The following PIK3R1 variants were observed in gnomAD, a reference collection of about 807,000 sequenced individuals.
PIK3R1 encodes phosphoinositide-3-kinase regulatory subunit 1.
PIK3R1 carries 29 observed loss-of-function variants against 98.0 expected under a neutral mutation model. The observed-to-expected ratio is 0.30, with a 90% confidence interval of 0.22 to 0.40. The LOEUF is 0.40. PIK3R1 is among the 10% of genes least tolerant of loss of function. PIK3R1 has a pLI of 1.00. For missense variants in PIK3R1, 596 were observed against 872.7 expected, an observed-to-expected ratio of 0.68 and a Z score of 3.99; for synonymous variants, 282 against 311.8, an observed-to-expected ratio of 0.90 and a Z score of 1.01.
chr5:68,256,716 T>G (rs765044381), intron 2 of PIK3R1, among the ~76,000 whole-genome samples: 1 of 151,856 alleles, frequency 6.6e-6, no homozygotes, highest in Non-Finnish European at 1.5e-5. Flanking sequence ...GAGGGGCAAT[T>G]AGCAAGAGTG....
intron 2 of PIK3R1, among the ~76,000 whole-genome samples, chr5:68,265,866 A>G (rs1746102025): frequency 6.6e-6 from 1 of 152,236 alleles, no homozygotes; most frequent in African/African-American, 2.4e-5. Flanking sequence ...TCAACTTTTC[A>G]GGATATTTAA....
chr5:68,262,633 A>C lies in PIK3R1; in HGVS notation c.335-10757A>C, dbSNP rs1295135581. ...TGTATACACATGTAGATGCATGTAT[A>C]CACATGTATACACATGTATCTGCAT... On this transcript the variant is annotated intron_variant, in intron 2 of 15. Transcript: ENST00000521381. Among the ~76,000 whole-genome samples the C allele has an allele frequency of 7.8e-4, 109 of 139,228 alleles. 1 individual carries two copies. Among genetic ancestry groups the C allele is most frequent in the Non-Finnish European group, 1.3e-3 (82 of 64,900 alleles). The allele number at this position is 139,228 out of a possible 152,430, so 91.3% of individuals were successfully genotyped here.
chr5:68,224,472 A>G lies in PIK3R1; in HGVS notation c.-386-1818A>G, dbSNP rs570292357. ...AGTGTTTGTTTTTGCTTCTTTTAAT[A>G]TGTAACTCTCCTAAGTGTGTTATTG... On this transcript the variant is annotated intron_variant, in intron 1 of 15. Transcript: ENST00000521381. Among the ~76,000 whole-genome samples, 11 of 152,312 alleles carry G rather than the reference A, an allele frequency of 7.2e-5. 1 individual carries two copies. The South Asian group carries it at 2.1e-3, about 29-fold the overall frequency.
At chr5:68,250,975 C>A (rs1175762152) in intron 2 of PIK3R1, among the ~76,000 whole-genome samples, 1 of 152,124 alleles carries the variant, frequency 6.6e-6, no homozygotes, top group African/African-American at 2.4e-5. Context: ...TGTATGTTTT[C>A]GTTTTGTGAA....
At chr5:68,261,931 G>C (rs920511983) in intron 2 of PIK3R1, among the ~76,000 whole-genome samples, 3 of 152,154 alleles carry the variant, frequency 2.0e-5, no homozygotes, top group Non-Finnish European at 4.4e-5. Context: ...CAACAGAGGA[G>C]TGGAGCATAG....
chr5:68,290,638 A>G, intron 7 of PIK3R1: 4 of 1,482,144 alleles, frequency 2.7e-6, no homozygotes, highest in Non-Finnish European at 3.6e-6. Flanking sequence ...GCAGCCCCTT[A>G]TAGGTTTTAA....
At chr5:68,252,066 C>G (rs1385009484) in intron 2 of PIK3R1, among the ~76,000 whole-genome samples, 1 of 152,148 alleles carries the variant, frequency 6.6e-6, no homozygotes, top group Non-Finnish European at 1.5e-5. Flanking sequence ...TCACATCTCC[C>G]CCTTGAACTA....
intron 2 of PIK3R1, among the ~76,000 whole-genome samples, chr5:68,247,423 T>C (rs777830916): frequency 2.6e-5 from 4 of 152,102 alleles, no homozygotes; most frequent in Non-Finnish European, 5.9e-5. Flanking sequence ...CTCAGCCTCC[T>C]GAGTAGCTGG....
At chr5:68,236,939 A>G (rs1744690236) in intron 2 of PIK3R1, among the ~76,000 whole-genome samples, 1 of 152,252 alleles carries the variant, frequency 6.6e-6, no homozygotes, top group Non-Finnish European at 1.5e-5. Context: ...GTGCATGTAA[A>G]TGCAATTTTT....
rs1477855249 is a variant in PIK3R1, at chr5:68,290,320, G to A, written c.917-1939G>A. On this transcript the variant is annotated intron_variant, in intron 7 of 15. Coordinates refer to ENST00000521381, the MANE Select transcript of PIK3R1 (RefSeq NM_181523.3). ...GACTGGGCTATCTATAAACCCAGAT[G>A]CACTAAGTGGGGAGAAAAGCTCGGA... Among the ~76,000 whole-genome samples, 3 of 152,206 alleles carry A rather than the reference G, an allele frequency of 2.0e-5. No homozygotes were observed. The East Asian group carries it at 5.8e-4, about 29-fold the overall frequency.
intron 2 of PIK3R1, chr5:68,240,040 G>A (rs926211203): frequency 2.0e-5 from 8 of 406,362 alleles, no homozygotes; most frequent in African/African-American, 4.1e-5. Flanking sequence ...CTTGGCTTGT[G>A]CTTCTTAATG....
rs1392218886 is a variant in PIK3R1 at position 68,279,706 on chromosome 5, T to C, written c.607T>C (p.Tyr203His). 4 of 1,614,072 alleles carry C rather than the reference T, an allele frequency of 2.5e-6. No individual in the cohort carries two copies. Among genetic ancestry groups the C allele is most frequent in the Admixed American group, 3.3e-5 (2 of 60,006 alleles). Residue 203 changes from tyrosine (Y) to histidine (H), a missense_variant, in exon 5 of 16, where the codon TAC becomes CAC. Coordinates refer to ENST00000521381, the MANE Select transcript of PIK3R1 (RefSeq NM_181523.3). ...AAATCCTGTCATTCCAGCAGCCGTT[T>C]ACAGTGAAATGATTTCTTTAGCTCC... ...LPNPVIPAAV[Y>H]SEMISLAPEV...
chr5:68,229,437 T>C (rs886934401), intron 2 of PIK3R1, among the ~76,000 whole-genome samples: 1 of 152,198 alleles, frequency 6.6e-6, no homozygotes, highest in African/African-American at 2.4e-5. Context: ...TCTTTTTTTT[T>C]CCTTTTAACA....
chr5:68,297,579 T>C lies in PIK3R1; in HGVS notation c.2153T>C (p.Val718Ala), dbSNP rs2112294023. The C allele has an allele frequency of 6.2e-7, 1 of 1,614,056 alleles. No individual in the cohort carries two copies. Among genetic ancestry groups the C allele is most frequent in the Non-Finnish European group, 8.5e-7 (1 of 1,179,950 alleles). The change falls in exon 16 of 16, where the codon GTA becomes GCA. Residue 718 changes from valine (V) to alanine (A), a missense_variant. This residue lies in a region of PIK3R1 where 207 missense variants were observed against 361.4 expected (regional missense o/e 0.57). Coordinates refer to ENST00000521381, the MANE Select transcript of PIK3R1 (RefSeq NM_181523.3). ...CTCAATGTCACACTAGCCTACCCAG[T>C]ATATGCACAGCAGAGGCGATGAAGC... ...DSLNVTLAYPVYAQQRR is the reference protein window; with the variant it reads ...DSLNVTLAYPAYAQQRR
In PIK3R1 at chr5:68,295,473, A is replaced by G. The variant is rs1747662154; in HGVS notation, c.1799A>G (p.Asn600Ser). 4 of 1,614,074 alleles carry G rather than the reference A, an allele frequency of 2.5e-6. No individual in the cohort carries two copies. The highest frequency in any genetic ancestry group is 3.4e-6 in the Non-Finnish European group (4 of 1,179,904). The change falls in exon 14 of 16, where the codon AAT (asparagine) becomes AGT (serine). Residue 600 changes from asparagine (N) to serine (S), a missense_variant. Around this residue, in one of 3 missense-constraint regions of PIK3R1, gnomAD observed 207 missense variants for 361.4 expected, o/e 0.57. Transcript: ENST00000521381. Reference protein sequence around the residue: ...RQKKLNEWLGNENTEDQYSLV... With the variant: ...RQKKLNEWLGSENTEDQYSLV... ...AAGAAGTTGAACGAGTGGTTGGGCA[A>G]TGAAAACACTGAAGAGTAAGTAGTT...
At chr5:68,286,550 C>G (rs1164221675) in intron 7 of PIK3R1, among the ~76,000 whole-genome samples, 1 of 152,172 alleles carries the variant, frequency 6.6e-6, no homozygotes, top group African/African-American at 2.4e-5. Flanking sequence ...TCTTGCAGAT[C>G]ACTTTTTAAA....
At chr5:68,282,984 G>C (rs573150795) in intron 7 of PIK3R1, among the ~76,000 whole-genome samples, 1 of 152,194 alleles carries the variant, frequency 6.6e-6, no homozygotes, top group Non-Finnish European at 1.5e-5. Flanking sequence ...GGAACAAAAC[G>C]TCCCCATCCA....
At chr5:68,296,965 GGA>G (rs563903142) in intron 15 of PIK3R1, among the ~76,000 whole-genome samples, 70 of 152,312 alleles carry the variant, frequency 4.6e-4, no homozygotes, top group African/African-American at 1.6e-3. Context: ...ATGCAGAGAT[GGA>G]GAGTTGTGCA....
chr5:68,221,646 G>A (rs1207416100), intron 1 of PIK3R1, among the ~76,000 whole-genome samples: 1 of 152,234 alleles, frequency 6.6e-6, no homozygotes, highest in African/African-American at 2.4e-5. Context: ...GGAGAATGGA[G>A]TAACTCAACA....
Sources: allele counts gnomAD v4.1 joint callset (sites outside exome capture counted in the v4.1 genomes callset), GRCh38; gene constraint gnomAD v4.1.1; regional missense constraint gnomAD v4.1.1; transcripts MANE v1.5; gene names NCBI Gene and HGNC (gene_info 2026-07-23, HGNC 2026-07-21).